The following KALRN variants were observed in gnomAD, a reference collection of about 807,000 sequenced individuals.
KALRN encodes the protein kalirin RhoGEF kinase.
In KALRN, 70 loss-of-function variants were observed where a neutral mutation model predicts 353.7. That is an observed-to-expected ratio of 0.20 (90% CI 0.16 to 0.24). KALRN has a LOEUF of 0.24. KALRN is among the 10% of genes least tolerant of loss of function. KALRN has a pLI of 1.00. For missense variants in KALRN, 2,791 were observed against 3,756.7 expected (o/e 0.74, Z 6.72); for synonymous variants, 1,391 against 1,434.8 (o/e 0.97, Z 0.69).
At chr3:124,664,371 G>GCT (rs1553719839) in intron 45 of KALRN, among the ~76,000 whole-genome samples, 1 of 77,044 alleles carries the variant, frequency 1.3e-5, no homozygotes, top group African/African-American at 1.1e-4. Context: ...GTGTGTGTGT[G>GCT]CGCGCGCGCG....
chr3:124,649,113 G>C (rs1227893010), intron 37 of KALRN, among the ~76,000 whole-genome samples: 13 of 152,178 alleles, frequency 8.5e-5, no homozygotes, highest in Admixed American at 8.5e-4. Context: ...CATTTTGTCA[G>C]TTTGGGGGTG....
chr3:124,322,213 C>G (rs982081535), intron 6 of KALRN, among the ~76,000 whole-genome samples: 1 of 152,182 alleles, frequency 6.6e-6, no homozygotes, highest in Non-Finnish European at 1.5e-5. Flanking sequence ...GACAGCAGGC[C>G]TGGGCTACAT....
chr3:124,504,722 G>A (rs2065017109), intron 33 of KALRN: 2 of 397,092 alleles, frequency 5.0e-6, no homozygotes, highest in South Asian at 3.8e-5. Context: ...ATTCTGGTTG[G>A]GCTCTGAGAG....
At chr3:124,124,855 C>T (rs1334764402) in intron 1 of KALRN, among the ~76,000 whole-genome samples, 1 of 152,184 alleles carries the variant, frequency 6.6e-6, no homozygotes, top group African/African-American at 2.4e-5. Context: ...ACTTAATAGA[C>T]TACAACATAG....
chr3:124,156,956 G>A (rs1168372945), intron 1 of KALRN, among the ~76,000 whole-genome samples: 4 of 152,070 alleles, frequency 2.6e-5, no homozygotes, highest in Non-Finnish European at 5.9e-5. Context: ...TTTAATGTCT[G>A]TTCTTTTAAA....
chr3:124,557,172 G>A lies in KALRN; in HGVS notation c.4936-5671G>A, dbSNP rs141050656. On this transcript the variant is annotated intron_variant, in intron 33 of 59. Coordinates refer to ENST00000682506, the MANE Select transcript of KALRN (RefSeq NM_001388419.1). ...TGAGGTTTTGGGTACAAATGATCCCGTCACCTAGATAGTGAGCATAGTACC... is the reference window on the plus strand; with the variant it reads ...TGAGGTTTTGGGTACAAATGATCCCATCACCTAGATAGTGAGCATAGTACC... 1.2e-3 allele frequency among the ~76,000 whole-genome samples: 190 copies of A among 152,208 alleles called. 1 individual carries two copies. The highest frequency in any genetic ancestry group is 4.4e-3 in the African/African-American group (181 of 41,526).
Position 124,430,684 on chromosome 3 carries a change from C to T in KALRN, c.2738C>T (p.Ser913Leu). The change falls in exon 16 of 60, where the codon TCA becomes TTA. Residue 913 changes from serine (S) to leucine (L), a missense_variant. Transcript: ENST00000682506. ...CTGGGATGGATCCGCAATGGAGAGTCAATGCTCAACGCCAGCCTGGTCAAT... is the reference window on the plus strand; with the variant it reads ...CTGGGATGGATCCGCAATGGAGAGTTAATGCTCAACGCCAGCCTGGTCAAT... ...QVLGWIRNGE[S>L]MLNASLVNAS... 1 of 1,614,158 alleles carries T rather than the reference C, an allele frequency of 6.2e-7. No homozygotes were observed. The highest frequency in any genetic ancestry group is 2.2e-5 in the East Asian group (1 of 44,878).
In KALRN at chr3:124,430,680, G is replaced by C. The variant is rs1181997211; in HGVS notation, c.2734G>C (p.Glu912Gln). ...GGTTCTGGGATGGATCCGCAATGGA[G>C]AGTCAATGCTCAACGCCAGCCTGGT... Reference protein sequence around the residue: ...KQVLGWIRNGESMLNASLVNA... With the variant: ...KQVLGWIRNGQSMLNASLVNA... Residue 912 changes from glutamate (E) to glutamine (Q), a missense_variant, in exon 16 of 60, where the codon GAG becomes CAG. Physicochemically the swap from Glu to Gln is conservative, Grantham distance 29. Coordinates refer to ENST00000682506, the MANE Select transcript of KALRN (RefSeq NM_001388419.1). 3 of 1,614,078 alleles carry C rather than the reference G, an allele frequency of 1.9e-6. No individual in the cohort carries two copies. The African/African-American group carries it at 4.0e-5, about 22-fold the overall frequency.
chr3:124,639,118 C>T (rs550844179), intron 37 of KALRN, among the ~76,000 whole-genome samples: 3 of 152,294 alleles, frequency 2.0e-5, no homozygotes, highest in South Asian at 2.1e-4. Flanking sequence ...TTGCTATCCT[C>T]GAACTCACAC....
At chr3:124,143,547 TG>T (rs1302112174) in intron 1 of KALRN, among the ~76,000 whole-genome samples, 1 of 152,138 alleles carries the variant, frequency 6.6e-6, no homozygotes, top group Non-Finnish European at 1.5e-5. Flanking sequence ...ACTTAGTTCA[TG>T]GGTTGTAAGA....
chr3:124,462,685 C>G, intron 25 of KALRN, 52 bp downstream of exon 25: 1 of 1,036,420 alleles, frequency 9.6e-7, no homozygotes, highest in Non-Finnish European at 1.5e-6. Flanking sequence ...AAAAACCAGA[C>G]AACAGGGTTC....
intron 5 of KALRN, among the ~76,000 whole-genome samples, chr3:124,274,993 G>A (rs971100159): frequency 2.0e-5 from 3 of 152,140 alleles, no homozygotes; most frequent in African/African-American, 7.2e-5. Flanking sequence ...GAGACATTAG[G>A]CACATCTTTA....
At chr3:124,128,141 C>T (rs993309970) in intron 1 of KALRN, among the ~76,000 whole-genome samples, 2 of 152,140 alleles carry the variant, frequency 1.3e-5, no homozygotes, top group African/African-American at 4.8e-5. Context: ...CTAGCAATGA[C>T]TAAGGCCAAC....
chr3:124,632,309 TG>T (rs1473718937), intron 34 of KALRN, 110 bp from the exon 35 acceptor site: 3 of 1,052,938 alleles, frequency 2.8e-6, no homozygotes, highest in African/African-American at 3.2e-5. Flanking sequence ...ACAGCTGGCC[TG>T]GACATTCTGC....
In KALRN at chr3:124,455,201, C is replaced by T; in HGVS notation, c.3577C>T (p.Leu1193=). The T allele has an allele frequency of 6.2e-7, 1 of 1,614,178 alleles. No homozygotes were observed. The highest frequency in any genetic ancestry group is 2.2e-5 in the East Asian group (1 of 44,874). The change falls in exon 22 of 60, where the codon CTG becomes TTG. Residue 1193 remains leucine (L), a synonymous_variant. Coordinates refer to ENST00000682506, the MANE Select transcript of KALRN (RefSeq NM_001388419.1). The stretch of plus-strand genomic sequence containing the variant: ...GCAAACAAAGGAGAAGGTGAAGCTT[C>T]TGATTCAGCTGGCCGATAGCTTTGT... ...AKQTKEKVKL[L]IQLADSFVEK... is the part of the protein sequence containing the mutation.
At chr3:124,236,303 C>A (rs1197765351) in intron 3 of KALRN, among the ~76,000 whole-genome samples, 1 of 151,882 alleles carries the variant, frequency 6.6e-6, no homozygotes, top group African/African-American at 2.4e-5. Context: ...TTCTGGGGGT[C>A]ATTATAAAGA....
intron 34 of KALRN, among the ~76,000 whole-genome samples, chr3:124,580,660 C>T (rs1164550500): frequency 6.6e-6 from 1 of 152,126 alleles, no homozygotes; most frequent in Non-Finnish European, 1.5e-5. Flanking sequence ...ATGAGTCTGT[C>T]CTAGTAGCTA....
intron 1 of KALRN, among the ~76,000 whole-genome samples, chr3:124,034,576 C>T (rs1350616087): frequency 6.6e-6 from 1 of 151,892 alleles, no homozygotes; most frequent in African/African-American, 2.4e-5. Context: ...TAGCTCTTTG[C>T]GCCCCTGCCA....
chr3:124,688,183 T>C (rs1046434108), intron 51 of KALRN, among the ~76,000 whole-genome samples: 2 of 151,954 alleles, frequency 1.3e-5, no homozygotes, highest in African/African-American at 4.8e-5. Flanking sequence ...GTGGCTGTGT[T>C]CACCTGTAGT....
Sources: allele counts gnomAD v4.1 joint callset (sites outside exome capture counted in the v4.1 genomes callset), GRCh38; gene constraint gnomAD v4.1.1; transcripts MANE v1.5; gene names NCBI Gene and HGNC (gene_info 2026-07-23, HGNC 2026-07-21).